The following ZC4H2 variants were observed in gnomAD, a reference collection of about 807,000 sequenced individuals.
ZC4H2 encodes the protein zinc finger C4H2 domain-containing protein.
For missense variants in ZC4H2, 137 were observed against 173.9 expected, an observed-to-expected ratio of 0.79 and a Z score of 1.19; for synonymous variants, 84 against 66.3, an observed-to-expected ratio of 1.27 and a Z score of -1.30.
At chrX:64,996,823 G>T (rs1014806341) in intron 1 of ZC4H2, among the ~76,000 whole-genome samples, 2 of 110,918 alleles carry the variant, frequency 1.8e-5, no homozygotes, top group African/African-American at 6.6e-5. Flanking sequence ...ATAGAGAAAG[G>T]TGAATAGAGC....
chrX:64,958,212 C>T (rs1931234829), intron 1 of ZC4H2, among the ~76,000 whole-genome samples: 2 of 112,219 alleles, frequency 1.8e-5, no homozygotes, highest in South Asian at 3.7e-4. Context: ...ATATGACTGG[C>T]AGTGCAGTAT....
At chrX:64,952,672 T>G (rs1930914197) in intron 1 of ZC4H2, among the ~76,000 whole-genome samples, 1 of 110,079 alleles carries the variant, frequency 9.1e-6, no homozygotes, top group African/African-American at 3.3e-5. Context: ...TAAAGGAGGA[T>G]ACAAACAAAT....
At chrX:64,974,094 A>T (rs1931866056) in intron 1 of ZC4H2, among the ~76,000 whole-genome samples, 1 of 111,835 alleles carries the variant, frequency 8.9e-6, no homozygotes, top group African/African-American at 3.2e-5. Flanking sequence ...ATTTGTTGGC[A>T]TAAATGTTAA....
chrX:65,006,049 T>C (rs151172818), intron 1 of ZC4H2, among the ~76,000 whole-genome samples: 1,468 of 111,227 alleles, frequency 0.013, 10 homozygotes, highest in Non-Finnish European at 0.019. Context: ...CATTAAAAAG[T>C]CAGGAAACAA....
intron 1 of ZC4H2, among the ~76,000 whole-genome samples, chrX:65,003,802 C>T (rs768239031): frequency 6.8e-4 from 74 of 108,473 alleles, no homozygotes; most frequent in Admixed American, 1.6e-3. Context: ...GCGTGAACCC[C>T]GGAGGCAGAG....
intron 1 of ZC4H2, among the ~76,000 whole-genome samples, chrX:64,971,309 G>T (rs1469682592): frequency 1.8e-5 from 2 of 112,045 alleles, no homozygotes; most frequent in African/African-American, 6.5e-5. Context: ...CTGTAGACAG[G>T]GAAGTAATTC....
intron 1 of ZC4H2, among the ~76,000 whole-genome samples, chrX:64,945,413 G>A (rs1480290527): frequency 9.0e-6 from 1 of 111,696 alleles, no homozygotes; most frequent in South Asian, 3.8e-4. Context: ...AGTGGAGGCT[G>A]CAGAAGAGCA....
At chrX:64,918,210 A>G (rs1456873164) in intron 4 of ZC4H2, 1 of 168,213 alleles carries the variant, frequency 5.9e-6, no homozygotes, top group East Asian at 1.4e-4. Flanking sequence ...ATTTTCTAGA[A>G]CAGGGGTCAA....
intron 1 of ZC4H2, among the ~76,000 whole-genome samples, chrX:65,018,645 T>A (rs1932813425): frequency 9.1e-6 from 1 of 110,362 alleles, no homozygotes; most frequent in Non-Finnish European, 1.9e-5. Flanking sequence ...AGCTTTTTTT[T>A]TTCATATCCC....
chrX:64,970,092 C>T (rs1931725608), intron 1 of ZC4H2, among the ~76,000 whole-genome samples: 2 of 111,775 alleles, frequency 1.8e-5, no homozygotes, highest in South Asian at 7.5e-4. Flanking sequence ...CAGATTTATG[C>T]TCAGTAAATG....
At chrX:64,933,415 A>G (rs770462973) in intron 1 of ZC4H2, among the ~76,000 whole-genome samples, 3 of 111,565 alleles carry the variant, frequency 2.7e-5, no homozygotes, top group African/African-American at 9.8e-5. Flanking sequence ...TCTTTTCAGG[A>G]TGATTTAGAA....
chrX:64,979,263 T>A (rs1932038968), upstream of ZC4H2, among the ~76,000 whole-genome samples: 1 of 111,728 alleles, frequency 9.0e-6, no homozygotes, highest in African/African-American at 3.3e-5. Context: ...CCTGAATGCC[T>A]CTGTTACTTT....
intron 1 of ZC4H2, among the ~76,000 whole-genome samples, chrX:65,002,534 C>T (rs1293533379): frequency 4.5e-5 from 5 of 111,362 alleles, no homozygotes; most frequent in Non-Finnish European, 7.6e-5. Context: ...CCCCTCTGCC[C>T]GGCCGCCACC....
At chrX:64,956,048 A>T (rs947039778) in intron 1 of ZC4H2, among the ~76,000 whole-genome samples, 1 of 111,813 alleles carries the variant, frequency 8.9e-6, no homozygotes, top group Non-Finnish European at 1.9e-5. Flanking sequence ...ATCCCTCATG[A>T]TAGGCTCTAT....
chrX:64,928,736 TCTC>T (rs1470470334), intron 1 of ZC4H2, among the ~76,000 whole-genome samples: 1 of 99,034 alleles, frequency 1.0e-5, no homozygotes, highest in Admixed American at 1.1e-4. Context: ...CTCTTCTTCT[TCTC>T]CTTCTCCTTC....
chrX:64,950,059 G>T (rs979528064), intron 1 of ZC4H2, among the ~76,000 whole-genome samples: 1 of 111,756 alleles, frequency 8.9e-6, no homozygotes. Flanking sequence ...CTTTGTTCAC[G>T]TTGGTTTCAA....
intron 1 of ZC4H2, among the ~76,000 whole-genome samples, chrX:64,976,057 G>T (rs1221707318): frequency 1.8e-5 from 2 of 111,597 alleles, no homozygotes; most frequent in African/African-American, 6.5e-5. Context: ...TGAATGCAGA[G>T]CCCTGACCTC....
intron 1 of ZC4H2, 66 bp from the exon 2 acceptor site, chrX:64,922,054 A>T: frequency 8.5e-7 from 1 of 1,171,241 alleles, no homozygotes; most frequent in South Asian, 2.0e-5. Context: ...TGGAGCCAGG[A>T]CTTTTTTTCT....
intron 1 of ZC4H2, among the ~76,000 whole-genome samples, chrX:64,956,093 C>A (rs184285246): frequency 2.9e-4 from 32 of 112,137 alleles, no homozygotes; most frequent in African/African-American, 1.0e-3. Context: ...GGCTACACAA[C>A]AGACTTTAAA....
Sources: allele counts gnomAD v4.1 joint callset (sites outside exome capture counted in the v4.1 genomes callset), GRCh38; gene constraint gnomAD v4.1.1; transcripts MANE v1.5; gene names NCBI Gene and HGNC (gene_info 2026-07-23, HGNC 2026-07-21).